SETBP1: variants seen among roughly 807,000 people sequenced by gnomAD.
The protein encoded by SETBP1 is SET-binding protein.
SETBP1 carries 9 observed loss-of-function variants against 101.0 expected under a neutral mutation model. That is an observed-to-expected ratio of 0.09 (90% CI 0.05 to 0.16). SETBP1 has a LOEUF of 0.16. Among genes scored for constraint, SETBP1 ranks in the 10% least tolerant of loss-of-function variants. The probability of loss-of-function intolerance (pLI) is 1.00; values close to 1 mark genes in which losing one functional copy is unlikely to be tolerated. For missense variants in SETBP1, 1,858 were observed against 2,033.8 expected, an observed-to-expected ratio of 0.91 and a Z score of 1.66; for synonymous variants, 818 against 788.5, an observed-to-expected ratio of 1.04 and a Z score of -0.63.
intron 2 of SETBP1, among the ~76,000 whole-genome samples, chr18:44,845,446 C>T (rs993517819): frequency 6.6e-6 from 1 of 152,222 alleles, no homozygotes; most frequent in African/African-American, 2.4e-5. Flanking sequence ...GAGCTGAATT[C>T]CCATTTAGGG....
At chr18:44,793,875 T>G (rs981808836) in intron 2 of SETBP1, among the ~76,000 whole-genome samples, 1 of 152,238 alleles carries the variant, frequency 6.6e-6, no homozygotes, top group Admixed American at 6.5e-5. Context: ...CTGTTGAGCT[T>G]CTTGTGGGCC....
intron 4 of SETBP1, among the ~76,000 whole-genome samples, chr18:44,963,443 T>A (rs1269020832): frequency 6.6e-6 from 1 of 152,054 alleles, no homozygotes; most frequent in Non-Finnish European, 1.5e-5. Flanking sequence ...GTCCTGAAAA[T>A]CACAAGGAAG....
chr18:44,827,952 C>A (rs2072271817), intron 2 of SETBP1, among the ~76,000 whole-genome samples: 1 of 152,144 alleles, frequency 6.6e-6, no homozygotes, highest in African/African-American at 2.4e-5. Context: ...TGCTCAGAAC[C>A]TTTTATTGAT....
At chr18:44,700,608 T>C (rs2144189857) in intron 1 of SETBP1, among the ~76,000 whole-genome samples, 1 of 152,304 alleles carries the variant, frequency 6.6e-6, no homozygotes, top group East Asian at 1.9e-4. Flanking sequence ...TAGAGAGGTC[T>C]TTGCATAATT....
chr18:44,770,491 T>C (rs1222521043), intron 2 of SETBP1, among the ~76,000 whole-genome samples: 3 of 152,226 alleles, frequency 2.0e-5, no homozygotes, highest in African/African-American at 7.2e-5. Flanking sequence ...GTCTAGAATT[T>C]TGGTATTTTT....
Position 44,801,441 on chromosome 18 carries a change from A to C in SETBP1, c.487-67789A>C, listed in dbSNP as rs572245456. Among the ~76,000 whole-genome samples, 70 of 152,238 alleles carry C rather than the reference A, an allele frequency of 4.6e-4. 1 individual carries two copies. Among genetic ancestry groups the C allele is most frequent in the African/African-American group, 1.7e-3 (70 of 41,560 alleles). ...TTGGGATCTGTTTCGAGGTAGAAGA[A>C]AGGAACTTCTTGACAGGGACATGAC... On this transcript the variant is annotated intron_variant, in intron 2 of 5. Transcript: ENST00000649279.
intron 2 of SETBP1, among the ~76,000 whole-genome samples, chr18:44,707,885 G>A (rs760455600): frequency 1.0e-3 from 152 of 152,284 alleles, no homozygotes; most frequent in Non-Finnish European, 1.5e-3. Context: ...GTGTAGAGGA[G>A]CTTAAAATGG....
rs76449542 is a variant in SETBP1 at position 44,968,209 on chromosome 18, A to G, written c.4000+14869A>G. 2.1e-3 allele frequency among the ~76,000 whole-genome samples: 316 copies of G among 152,274 alleles called. 1 individual carries two copies. Among genetic ancestry groups the G allele is most frequent in the African/African-American group, 7.1e-3 (296 of 41,542 alleles). ...TGAGGGAAAATATGAATATATATGT[A>G]TAGTGTTCTTTGAGAAAATATTGCA... On this transcript the variant is annotated intron_variant, in intron 4 of 5. Transcript: ENST00000649279.
At chr18:44,823,210 A>G (rs2072156070) in intron 2 of SETBP1, among the ~76,000 whole-genome samples, 1 of 152,264 alleles carries the variant, frequency 6.6e-6, no homozygotes, top group Non-Finnish European at 1.5e-5. Flanking sequence ...CTTACACAAA[A>G]TATCCAGCAG....
intron 2 of SETBP1, among the ~76,000 whole-genome samples, chr18:44,835,984 G>T (rs1051736556): frequency 6.6e-6 from 1 of 152,204 alleles, no homozygotes; most frequent in South Asian, 2.1e-4. Context: ...GCAGCCAGGG[G>T]AGCCTGCCTG....
intron 2 of SETBP1, among the ~76,000 whole-genome samples, chr18:44,715,295 C>T (rs981553636): frequency 6.6e-6 from 1 of 152,062 alleles, no homozygotes; most frequent in African/African-American, 2.4e-5. Context: ...CTAGAAAACA[C>T]TGGGCAGGTC....
At chr18:44,865,842 C>T (rs764013414) in intron 2 of SETBP1, among the ~76,000 whole-genome samples, 1 of 152,200 alleles carries the variant, frequency 6.6e-6, no homozygotes, top group Admixed American at 6.5e-5. Context: ...ATGTCACAAG[C>T]CTTGCCTTTG....
chr18:44,877,912 T>C (rs532773766), intron 3 of SETBP1, among the ~76,000 whole-genome samples: 1 of 152,316 alleles, frequency 6.6e-6, no homozygotes, highest in Admixed American at 6.5e-5. Flanking sequence ...CAGTGAATAT[T>C]TTGTTTTTTA....
At chr18:44,722,256 C>A (rs954513663) in intron 2 of SETBP1, among the ~76,000 whole-genome samples, 7 of 152,106 alleles carry the variant, frequency 4.6e-5, no homozygotes, top group South Asian at 2.1e-4. Flanking sequence ...ATCCTGGGAA[C>A]CTGTTTATAT....
chr18:44,698,726 T>C (rs1370812669), intron 1 of SETBP1, among the ~76,000 whole-genome samples: 1 of 152,250 alleles, frequency 6.6e-6, no homozygotes, highest in East Asian at 1.9e-4. Context: ...TTACAGTACA[T>C]ATAAAGTTCT....
intron 2 of SETBP1, among the ~76,000 whole-genome samples, chr18:44,740,774 A>G (rs1406438097): frequency 6.6e-6 from 1 of 152,220 alleles, no homozygotes; most frequent in African/African-American, 2.4e-5. Flanking sequence ...TAGGGTGAGT[A>G]CAAGTTGTTT....
At chr18:44,881,560 A>G (rs981906529) in intron 3 of SETBP1, among the ~76,000 whole-genome samples, 2 of 152,230 alleles carry the variant, frequency 1.3e-5, no homozygotes, top group South Asian at 2.1e-4. Context: ...TACTTTGCCA[A>G]TTGCAGATTC....
intron 4 of SETBP1, among the ~76,000 whole-genome samples, chr18:44,979,688 C>G (rs1290739662): frequency 2.6e-5 from 4 of 152,184 alleles, no homozygotes; most frequent in Non-Finnish European, 5.9e-5. Context: ...ATGGTCCACA[C>G]TGATATAAAA....
chr18:44,869,364 C>T, intron 3 of SETBP1, 81 bp downstream of exon 3: 1 of 1,314,832 alleles, frequency 7.6e-7, no homozygotes, highest in Non-Finnish European at 1.1e-6. Flanking sequence ...CCTTTGGGGC[C>T]AGGACAGAAA....
Sources: allele counts gnomAD v4.1 joint callset (sites outside exome capture counted in the v4.1 genomes callset), GRCh38; gene constraint gnomAD v4.1.1; transcripts MANE v1.5; gene names NCBI Gene and HGNC (gene_info 2026-07-23, HGNC 2026-07-21).